The following TNS3 variants were observed in gnomAD, a reference collection of about 807,000 sequenced individuals.
TNS3 encodes the protein tensin-3.
In TNS3, 45 loss-of-function variants were observed where a neutral mutation model predicts 140.9. That is an observed-to-expected ratio of 0.32 (90% CI 0.25 to 0.41). The LOEUF is 0.41. Among genes scored for constraint, TNS3 ranks in the 10% least tolerant of loss-of-function variants. The probability of loss-of-function intolerance (pLI) is 1.00; values close to 1 mark genes in which losing one functional copy is unlikely to be tolerated. For missense variants in TNS3, 1,716 were observed against 1,906.7 expected, an observed-to-expected ratio of 0.90 and a Z score of 1.86; for synonymous variants, 815 against 788.4, an observed-to-expected ratio of 1.03 and a Z score of -0.56.
intron 3 of TNS3, among the ~76,000 whole-genome samples, chr7:47,506,145 A>G (rs1798409433): frequency 1.3e-5 from 2 of 152,190 alleles, no homozygotes; most frequent in African/African-American, 4.8e-5. Context: ...AGGGCCAAAC[A>G]GTAGATGGGG....
At chr7:47,411,582 A>T in intron 13 of TNS3, 145 bp downstream of exon 13, 1 of 821,878 alleles carries the variant, frequency 1.2e-6, no homozygotes, top group Non-Finnish European at 1.9e-6. Flanking sequence ...CCCCAGTGTT[A>T]AGGTAAAAGC....
chr7:47,369,245 G>C lies in TNS3; in HGVS notation c.1401C>G (p.Asp467Glu), dbSNP rs552564152. 1.2e-6 allele frequency: 2 copies of C among 1,614,084 alleles called. No homozygotes were observed. Among genetic ancestry groups the C allele is most frequent in the Admixed American group, 3.3e-5 (2 of 60,014 alleles). The change falls in exon 17 of 31, where the codon GAC becomes GAG. Residue 467 changes from aspartate to glutamate, a missense_variant. Physicochemically the swap from Asp to Glu is conservative, Grantham distance 45. Coordinates refer to ENST00000311160, the MANE Select transcript of TNS3 (RefSeq NM_022748.12). Reference sequence around the variant, plus strand: ...CTGTCTCCCGATCCTTCAGAGCAGCGTCTCCATTCACGTGAACCTGGGCTG... The same window carrying C: ...CTGTCTCCCGATCCTTCAGAGCAGCCTCTCCATTCACGTGAACCTGGGCTG... ...VVPAQVHVNG[D>E]AALKDRETDI...
At chr7:47,310,328 G>A (rs541897482) in intron 20 of TNS3, among the ~76,000 whole-genome samples, 2 of 152,238 alleles carry the variant, frequency 1.3e-5, no homozygotes, top group South Asian at 4.2e-4. Flanking sequence ...AACCAAAAAC[G>A]GCAGTTCAAG....
chr7:47,449,253 T>C (rs1301185353), intron 4 of TNS3, among the ~76,000 whole-genome samples: 9 of 152,240 alleles, frequency 5.9e-5, no homozygotes, highest in Admixed American at 5.9e-4. Context: ...GTGCAATTAA[T>C]GCTAGTGCGG....
intron 4 of TNS3, among the ~76,000 whole-genome samples, chr7:47,445,086 A>C (rs1163089951): frequency 6.6e-6 from 1 of 152,148 alleles, no homozygotes; most frequent in East Asian, 1.9e-4. Flanking sequence ...TTTTCTATGT[A>C]AGTCTACATC....
At chr7:47,562,275 C>A (rs548838394) in intron 1 of TNS3, among the ~76,000 whole-genome samples, 1 of 152,082 alleles carries the variant, frequency 6.6e-6, no homozygotes, top group South Asian at 2.1e-4. Flanking sequence ...CAAAAAAAAT[C>A]TTTATCATTG....
In TNS3 at chr7:47,276,833, A is replaced by C. The variant is rs949526228; in HGVS notation, c.*1243T>G. The C allele has an allele frequency of 6.6e-6, 1 of 152,194 alleles. No homozygotes were observed. The highest frequency in any genetic ancestry group is 1.5e-5 in the Non-Finnish European group (1 of 68,054). 9.4% of individuals were successfully genotyped at this position (152,194 alleles called of 1,614,324 possible). A position where few individuals can be genotyped will look rare whatever the true frequency, so the allele number is the denominator to read the frequency against. On this transcript the variant is annotated 3_prime_UTR_variant, in exon 31 of 31. Transcript: ENST00000311160. Reference sequence around the variant, plus strand: ...TCCTCATCCTCCCTTCTGCTCACACATGCCACAACCACACATGGTCCCCAG... The same window carrying C: ...TCCTCATCCTCCCTTCTGCTCACACCTGCCACAACCACACATGGTCCCCAG...
intron 3 of TNS3, among the ~76,000 whole-genome samples, chr7:47,502,971 C>T (rs556034224): frequency 1.2e-3 from 183 of 152,286 alleles, no homozygotes; most frequent in Middle Eastern, 3.4e-3. Flanking sequence ...GCCAGGGGGT[C>T]TGAGAGCATT....
intron 10 of TNS3, among the ~76,000 whole-genome samples, chr7:47,418,347 T>C (rs944262116): frequency 6.6e-6 from 1 of 152,102 alleles, no homozygotes; most frequent in African/African-American, 2.4e-5. Flanking sequence ...TAGGACAGAA[T>C]TGCACAATTA....
chr7:47,414,562 A>T (rs978389260), intron 11 of TNS3, among the ~76,000 whole-genome samples: 3 of 152,016 alleles, frequency 2.0e-5, no homozygotes, highest in African/African-American at 7.2e-5. Flanking sequence ...GGGGATGTGG[A>T]GACAGGGCCG....
intron 20 of TNS3, among the ~76,000 whole-genome samples, chr7:47,328,974 G>A (rs1257142490): frequency 6.6e-6 from 1 of 151,988 alleles, no homozygotes; most frequent in Non-Finnish European, 1.5e-5. Flanking sequence ...CATCTAAAAG[G>A]CCAAACTCCT....
At chr7:47,295,921 T>C (rs1785992372) in intron 24 of TNS3, among the ~76,000 whole-genome samples, 1 of 152,140 alleles carries the variant, frequency 6.6e-6, no homozygotes, top group South Asian at 2.1e-4. Context: ...AGAGCATGAG[T>C]GAACCAGGTG....
chr7:47,371,893 T>C (rs1791092996), intron 16 of TNS3, among the ~76,000 whole-genome samples: 1 of 152,230 alleles, frequency 6.6e-6, no homozygotes, highest in South Asian at 2.1e-4. Context: ...CACCTTGACC[T>C]TCAGCTTCCC....
At chr7:47,491,766 A>C (rs1392587315) in intron 3 of TNS3, among the ~76,000 whole-genome samples, 1 of 152,208 alleles carries the variant, frequency 6.6e-6, no homozygotes, top group Non-Finnish European at 1.5e-5. Flanking sequence ...CACCTGAAGG[A>C]AGGCAGGGAG....
At chr7:47,559,927 A>C (rs1800289245) in intron 1 of TNS3, among the ~76,000 whole-genome samples, 1 of 151,986 alleles carries the variant, frequency 6.6e-6, no homozygotes, top group Non-Finnish European at 1.5e-5. Context: ...ATCCACACAC[A>C]CTACACCTAG....
At chr7:47,457,160 AGAGGGGAGGGGAAGG>A (rs1796292211) in intron 4 of TNS3, among the ~76,000 whole-genome samples, 1 of 2,268 alleles carries the variant, frequency 4.4e-4, no homozygotes, top group African/African-American at 1.9e-3. Flanking sequence ...GGAGGGGAAG[AGAGGGGAGGGGAAGG>A]GAGGGGAGGG....
At chr7:47,536,894 G>A (rs1799619118) in intron 1 of TNS3, among the ~76,000 whole-genome samples, 1 of 152,190 alleles carries the variant, frequency 6.6e-6, no homozygotes, top group South Asian at 2.1e-4. Context: ...GCATACACAT[G>A]AGCACAAGCG....
At chr7:47,391,281 G>A (rs1050778361) in intron 16 of TNS3, among the ~76,000 whole-genome samples, 3 of 152,168 alleles carry the variant, frequency 2.0e-5, no homozygotes, top group Non-Finnish European at 4.4e-5. Context: ...TATGGTACAC[G>A]GTGCACCCTG....
rs549051865 is a variant in TNS3, at chr7:47,360,453, G to A, written c.2281+7912C>T. On this transcript the variant is annotated intron_variant, in intron 17 of 30. Coordinates refer to ENST00000311160, the MANE Select transcript of TNS3 (RefSeq NM_022748.12). ...CAAACAAAGAGCAAGAGTCCCTCAC[G>A]GACGCATGTCCAGCGCCCGGGGCCC... Among the ~76,000 whole-genome samples the A allele has an allele frequency of 6.6e-5, 10 of 152,296 alleles. No homozygotes were observed. In the East Asian group the frequency reaches 1.2e-3, roughly 18 times the overall value.
Sources: allele counts gnomAD v4.1 joint callset (sites outside exome capture counted in the v4.1 genomes callset), GRCh38; gene constraint gnomAD v4.1.1; transcripts MANE v1.5; gene names NCBI Gene and HGNC (gene_info 2026-07-23, HGNC 2026-07-21).